The following PTPRK variants were observed in gnomAD, a reference collection of about 807,000 sequenced individuals.
PTPRK encodes receptor-type tyrosine-protein phosphatase kappa.
A neutral mutation model predicts 178.0 loss-of-function variants in PTPRK; 75 were observed. The observed-to-expected ratio is 0.42, with a 90% confidence interval of 0.35 to 0.51. PTPRK has a LOEUF of 0.51. Among genes scored for constraint, PTPRK ranks in the 20% least tolerant of loss-of-function variants. The pLI is 0.02. For synonymous variants in PTPRK, 637 were observed against 620.6 expected (o/e 1.03, Z -0.39); for missense variants, 1,441 against 1,797.8 (o/e 0.80, Z 3.59).
chr6:128,412,532 C>T (rs1404967624), intron 1 of PTPRK, among the ~76,000 whole-genome samples: 1 of 152,158 alleles, frequency 6.6e-6, no homozygotes, highest in Non-Finnish European at 1.5e-5. Context: ...CATCAAACTT[C>T]AGGAGAAAGC....
At position 128,184,522 on chromosome 6, in the gene PTPRK, C is replaced by T. The variant is rs369678964; in HGVS notation, c.1072G>A (p.Glu358Lys). The change falls in exon 7 of 30, where the codon GAA (glutamate) becomes AAA (lysine). Residue 358 changes from glutamate (E) to lysine (K), a missense_variant. Physicochemically the swap from Glu to Lys is moderately conservative, Grantham distance 56 (BLOSUM62 1). Coordinates refer to ENST00000368226, the MANE Select transcript of PTPRK (RefSeq NM_002844.4). ...YKLWHLDPDT[E>K]YEIRVLLTRP... is the part of the protein sequence containing the mutation. ...GTAAGTAGAACTCGGATCTCATATT[C>T]GGTATCTGGATCTAAATGCCATAAT... 5.6e-6 allele frequency: 9 copies of T among 1,613,880 alleles called. No individual in the cohort carries two copies. The highest frequency in any genetic ancestry group is 7.6e-6 in the Non-Finnish European group (9 of 1,179,862).
intron 2 of PTPRK, among the ~76,000 whole-genome samples, chr6:128,322,816 C>T (rs532556508): frequency 3.8e-4 from 58 of 152,090 alleles, no homozygotes; most frequent in African/African-American, 1.3e-3. Flanking sequence ...TTTCTAATTT[C>T]GTATTGGAAA....
intron 7 of PTPRK, among the ~76,000 whole-genome samples, chr6:128,120,567 T>C (rs1381273229): frequency 6.6e-6 from 1 of 151,990 alleles, no homozygotes; most frequent in Non-Finnish European, 1.5e-5. Flanking sequence ...TGTTTCCTTA[T>C]GGTTGTATTT....
At chr6:128,126,340 G>A (rs1793373735) in intron 7 of PTPRK, among the ~76,000 whole-genome samples, 2 of 151,786 alleles carry the variant, frequency 1.3e-5, no homozygotes, top group Non-Finnish European at 2.9e-5. Context: ...TTTTATTATT[G>A]AATAGTATTC....
At chr6:128,471,615 A>AC (rs1219992074) in intron 1 of PTPRK, among the ~76,000 whole-genome samples, 1 of 150,368 alleles carries the variant, frequency 6.7e-6, no homozygotes, top group African/African-American at 2.4e-5. Context: ...AAAAAAAAAA[A>AC]AAAAAAAAAA....
At chr6:128,213,418 G>T (rs1455627294) in intron 6 of PTPRK, among the ~76,000 whole-genome samples, 4 of 151,902 alleles carry the variant, frequency 2.6e-5, no homozygotes, top group Non-Finnish European at 5.9e-5. Flanking sequence ...AATATTTAGG[G>T]GTTTTGGGGG....
At chr6:128,110,996 G>A (rs973407877) in intron 7 of PTPRK, among the ~76,000 whole-genome samples, 4 of 152,122 alleles carry the variant, frequency 2.6e-5, no homozygotes, top group African/African-American at 9.7e-5. Context: ...CACGTCTGAT[G>A]GTGAGGATCG....
chr6:128,276,671 T>C (rs1820772596), intron 3 of PTPRK, among the ~76,000 whole-genome samples: 1 of 152,164 alleles, frequency 6.6e-6, no homozygotes, highest in African/African-American at 2.4e-5. Flanking sequence ...TTCTTCCTTG[T>C]GCCAGTCTCT....
intron 1 of PTPRK, among the ~76,000 whole-genome samples, chr6:128,447,459 G>T (rs1044045533): frequency 1.3e-5 from 2 of 152,150 alleles, no homozygotes; most frequent in African/African-American, 4.8e-5. Flanking sequence ...GTAGAAGAAA[G>T]TAAGATTTAG....
At chr6:128,509,499 A>G (rs761677493) in intron 1 of PTPRK, among the ~76,000 whole-genome samples, 38 of 152,226 alleles carry the variant, frequency 2.5e-4, no homozygotes, top group Admixed American at 4.6e-4. Flanking sequence ...TCTTCAGCAT[A>G]CACACTTTTT....
chr6:128,115,755 C>T (rs1479827018), intron 7 of PTPRK, among the ~76,000 whole-genome samples: 1 of 151,794 alleles, frequency 6.6e-6, no homozygotes, highest in East Asian at 1.9e-4. Flanking sequence ...TAATTAAAAC[C>T]TGAATGTTAA....
At chr6:128,214,369 C>T (rs758679906) in intron 6 of PTPRK, among the ~76,000 whole-genome samples, 1 of 152,066 alleles carries the variant, frequency 6.6e-6, no homozygotes, top group African/African-American at 2.4e-5. Context: ...ATATTCCAAA[C>T]TCTGTATGTC....
intron 1 of PTPRK, among the ~76,000 whole-genome samples, chr6:128,484,812 T>C (rs1852580046): frequency 6.6e-6 from 1 of 152,214 alleles, no homozygotes. Flanking sequence ...TTAGCATAGT[T>C]TGTTCAAATC....
intron 2 of PTPRK, among the ~76,000 whole-genome samples, chr6:128,377,387 C>T (rs1475133840): frequency 6.6e-6 from 1 of 152,040 alleles, no homozygotes; most frequent in East Asian, 1.9e-4. Flanking sequence ...AAGACCCATT[C>T]ACTAACACGA....
At chr6:128,365,616 CA>C (rs1835372792) in intron 2 of PTPRK, among the ~76,000 whole-genome samples, 1 of 152,074 alleles carries the variant, frequency 6.6e-6, no homozygotes. Context: ...CCATGGTGTG[CA>C]TAGCTTCAGC....
chr6:128,438,393 G>A (rs188390706), intron 1 of PTPRK, among the ~76,000 whole-genome samples: 2 of 152,238 alleles, frequency 1.3e-5, no homozygotes, highest in Admixed American at 1.3e-4. Flanking sequence ...AATGGCAATC[G>A]CCAGCAGGGA....
At chr6:128,071,659 A>T (rs1445558785) in intron 11 of PTPRK, among the ~76,000 whole-genome samples, 2 of 152,136 alleles carry the variant, frequency 1.3e-5, no homozygotes, top group East Asian at 3.9e-4. Flanking sequence ...CACTTTGTGC[A>T]TCTATTTCTA....
At chr6:128,501,480 A>G (rs1256908823) in intron 1 of PTPRK, among the ~76,000 whole-genome samples, 2 of 152,138 alleles carry the variant, frequency 1.3e-5, no homozygotes, top group East Asian at 3.9e-4. Context: ...AATTTCAAGA[A>G]CTTTCTTACA....
intron 4 of PTPRK, 24 bp from the exon 5 acceptor site, chr6:128,240,174 T>A (rs561550851): frequency 2.0e-6 from 3 of 1,504,558 alleles, no homozygotes; most frequent in Non-Finnish European, 2.8e-6. Context: ...GAAAAAAAAA[T>A]GTATTTGTTT....
Sources: allele counts gnomAD v4.1 joint callset (sites outside exome capture counted in the v4.1 genomes callset), GRCh38; gene constraint gnomAD v4.1.1; transcripts MANE v1.5; gene names NCBI Gene and HGNC (gene_info 2026-07-23, HGNC 2026-07-21).